Variants in CD1D observed in about 807,000 individuals in gnomAD.
The protein encoded by CD1D is CD1d molecule.
CD1D carries 40 observed loss-of-function variants against 42.1 expected under a neutral mutation model. The observed-to-expected ratio is 0.95, with a 90% CI of 0.74 to 1.24. The LOEUF (loss-of-function observed/expected upper bound fraction) is 1.24. Among genes scored for constraint, CD1D ranks in the 50% most tolerant of loss-of-function variants. CD1D has a pLI of 0.00. For synonymous variants in CD1D, 178 were observed against 171.8 expected (o/e 1.04, Z -0.28); for missense variants, 437 against 416.5 (o/e 1.05, Z -0.43).
rs764442092 is a variant in CD1D, at chr1:158,181,501, C to T, written c.108C>T (p.Phe36=). Reference sequence around the variant, plus strand: ...TCCGCTGCCTCCAGATCTCGTCCTTCGCCAATAGCAGCTGGACGCGCACCG... The same window carrying T: ...TCCGCTGCCTCCAGATCTCGTCCTTTGCCAATAGCAGCTGGACGCGCACCG... ...FPLRCLQISS[F]ANSSWTRTDG... The change falls in exon 2 of 6, where the codon TTC becomes TTT. Residue 36 remains phenylalanine, a synonymous_variant. Transcript: ENST00000674085. The T allele has an allele frequency of 3.7e-6, 6 of 1,614,064 alleles. No individual in the cohort carries two copies. In the Admixed American group the frequency reaches 6.7e-5, roughly 18 times the overall value.
intron 1 of CD1D, 129 bp from the exon 2 acceptor site, chr1:158,181,326 G>A: frequency 6.9e-7 from 1 of 1,447,274 alleles, no homozygotes; most frequent in Non-Finnish European, 9.5e-7. Flanking sequence ...GAGAGGCAGC[G>A]CGGCACAGAG....
Position 158,181,066 on chromosome 1 carries a change from G to C in CD1D, c.-36G>C. 6.6e-7 allele frequency: 1 copy of C among 1,522,332 alleles called. No individual in the cohort carries two copies. The highest frequency in any genetic ancestry group is 8.8e-7 in the Non-Finnish European group (1 of 1,134,214). The allele number at this position is 1,522,332 out of a possible 1,614,324, so 94.3% of individuals were successfully genotyped here. Reference sequence around the variant, plus strand: ...GAGTGCGCAGGTCAGAGGGCGGCGCGCAGCGGCGCTCCGCGAGGTCCCCAC... The same window carrying C: ...GAGTGCGCAGGTCAGAGGGCGGCGCCCAGCGGCGCTCCGCGAGGTCCCCAC... On this transcript the variant is annotated 5_prime_UTR_variant, in exon 1 of 6. Transcript: ENST00000674085.
chr1:158,179,794 C>T (rs949324167), upstream of CD1D, among the ~76,000 whole-genome samples: 4 of 152,118 alleles, frequency 2.6e-5, 1 homozygote, highest in Admixed American at 6.5e-5. Flanking sequence ...GTGCAGAGAC[C>T]TTAGTCAGGA....
Position 158,185,644 on chromosome 1 carries a change from G to T in CD1D, c.*1494G>T, listed in dbSNP as rs980119090. On this transcript the variant is annotated 3_prime_UTR_variant, in exon 6 of 6. Coordinates refer to ENST00000674085, the MANE Select transcript of CD1D (RefSeq NM_001371762.2). ...TTCCAGGTTAGTGTGAGCTGTGATTGTGTCACTACAGTGTAAGGATGACAG... is the reference window on the plus strand; with the variant it reads ...TTCCAGGTTAGTGTGAGCTGTGATTTTGTCACTACAGTGTAAGGATGACAG... 6.6e-6 allele frequency among the ~76,000 whole-genome samples: 1 copy of T among 152,128 alleles called. No homozygotes were observed. The highest frequency in any genetic ancestry group is 2.4e-5 in the African/African-American group (1 of 41,414).
At chr1:158,180,374 G>A (rs927012565), upstream of CD1D, among the ~76,000 whole-genome samples, 1 of 152,016 alleles carries the variant, frequency 6.6e-6, no homozygotes, top group African/African-American at 2.4e-5. Context: ...CTGGGGGCGC[G>A]TCCCCAAAAA....
chr1:158,179,027 CACAA>C (rs888134576), upstream of CD1D, among the ~76,000 whole-genome samples: 4 of 152,118 alleles, frequency 2.6e-5, no homozygotes, highest in African/African-American at 9.7e-5. Context: ...CACACACACA[CACAA>C]ACCAGCTTCT....
At position 158,183,995 on chromosome 1, in the gene CD1D, C is replaced by G. The variant is rs543208774; in HGVS notation, c.946C>G (p.Leu316Val). The G allele has an allele frequency of 6.2e-7, 1 of 1,614,196 alleles. No individual in the cohort carries two copies. The highest frequency in any genetic ancestry group is 8.5e-7 in the Non-Finnish European group (1 of 1,180,036). Residue 316 changes from leucine to valine, a missense_variant, in exon 5 of 6, where the codon CTC becomes GTC. Leu to Val is a conservative substitution (Grantham distance 32). Transcript: ENST00000674085. ...ALAVLACLLF[L>V]LIVGFTSRFK... ...GGCAGTCCTGGCGTGCTTGCTGTTC[C>G]TCCTCATTGTGGGCTTTACCTCCCG...
upstream of CD1D, among the ~76,000 whole-genome samples, chr1:158,179,013 A>C (rs1191129637): frequency 2.0e-5 from 3 of 146,970 alleles, no homozygotes; most frequent in African/African-American, 7.4e-5. Flanking sequence ...AAACAAAAAA[A>C]CCACACACAC....
At chr1:158,183,871 AG>A in intron 4 of CD1D, 64 bp from the exon 5 acceptor site, 1 of 1,252,412 alleles carries the variant, frequency 8.0e-7, no homozygotes, top group South Asian at 1.2e-5. Flanking sequence ...TGCCTAGACC[AG>A]GGGATTGGAT....
chr1:158,180,926 T>A lies in CD1D; in HGVS notation c.-176T>A. 1 of 523,716 alleles carries A rather than the reference T, an allele frequency of 1.9e-6. No homozygotes were observed. 32.4% of individuals were successfully genotyped at this position (523,716 alleles called of 1,614,324 possible). ...CGCACAGCTAAGGGCGAGGGCGCCC[T>A]TCGGCAGAAGCAGCAAACCGCCGGC... On this transcript the variant is annotated 5_prime_UTR_variant, in exon 1 of 6. Coordinates refer to ENST00000674085, the MANE Select transcript of CD1D (RefSeq NM_001371762.2).
At position 158,180,936 on chromosome 1, in the gene CD1D, G is replaced by C; in HGVS notation, c.-166G>C. The C allele has an allele frequency of 1.8e-6, 1 of 551,060 alleles. No homozygotes were observed. Among genetic ancestry groups the C allele is most frequent in the Non-Finnish European group, 3.0e-6 (1 of 335,282 alleles). The allele number at this position is 551,060 out of a possible 1,614,324, so 34.1% of individuals were successfully genotyped here. ...AGGGCGAGGGCGCCCTTCGGCAGAA[G>C]CAGCAAACCGCCGGCAAGCCCAGCG... On this transcript the variant is annotated 5_prime_UTR_variant, in exon 1 of 6. Transcript: ENST00000674085.
In CD1D at chr1:158,183,999, T is replaced by A. The variant is rs1336157900; in HGVS notation, c.950T>A (p.Leu317His). The change falls in exon 5 of 6, where the codon CTC becomes CAC. Residue 317 changes from leucine (L) to histidine (H), a missense_variant. Physicochemically the swap from Leu to His is moderately conservative, Grantham distance 99. Transcript: ENST00000674085. ...GTCCTGGCGTGCTTGCTGTTCCTCC[T>A]CATTGTGGGCTTTACCTCCCGGTTT... ...LAVLACLLFLLIVGFTSRFKR... is the reference protein window; with the variant it reads ...LAVLACLLFLHIVGFTSRFKR... 1 of 1,614,070 alleles carries A rather than the reference T, an allele frequency of 6.2e-7. No homozygotes were observed. Among genetic ancestry groups the A allele is most frequent in the East Asian group, 2.2e-5 (1 of 44,894 alleles).
Position 158,181,572 on chromosome 1 carries a change from AC to A in CD1D, c.180del (p.Asn60LysfsTer9). On this transcript the variant is annotated frameshift_variant, in exon 2 of 6. Coordinates refer to ENST00000674085, the MANE Select transcript of CD1D (RefSeq NM_001371762.2). LOFTEE classifies it high-confidence loss of function. Reference protein sequence around the residue: ...LGELQTHSWSNDSDTVRSLKP... With the variant: ...LGELQTHSWSXDSDTVRSLKP... ...GAGCTGCAGACGCACAGCTGGAGCA[AC>A]GACTCGGACACCGTCCGCTCTCTGA... 1 of 1,614,118 alleles carries A rather than the reference AC, an allele frequency of 6.2e-7. No homozygotes were observed. Among genetic ancestry groups the A allele is most frequent in the Non-Finnish European group, 8.5e-7 (1 of 1,180,030 alleles).
At position 158,183,098 on chromosome 1, in the gene CD1D, C is replaced by A. The variant is rs369282658; in HGVS notation, c.828C>A (p.Gly276=). ...TLDVVAGEAA[G]LSCRVKHSSL... ...ATGTGGTGGCTGGGGAGGCAGCTGG[C>A]CTGTCCTGTCGGGTGAAGCACAGCA... The change falls in exon 4 of 6, where the codon GGC becomes GGA. Residue 276 remains glycine (G), a synonymous_variant. Coordinates refer to ENST00000674085, the MANE Select transcript of CD1D (RefSeq NM_001371762.2). 117 of 1,613,956 alleles carry A rather than the reference C, an allele frequency of 7.2e-5. 1 individual carries two copies. The highest frequency in any genetic ancestry group is 9.5e-5 in the Non-Finnish European group (112 of 1,179,984).
At position 158,180,991 on chromosome 1, in the gene CD1D, A is replaced by C. The variant is rs1351860632; in HGVS notation, c.-111A>C. 2.0e-6 allele frequency: 2 copies of C among 997,744 alleles called. No homozygotes were observed. 61.8% of individuals were successfully genotyped at this position (997,744 alleles called of 1,614,324 possible). The stretch of plus-strand genomic sequence containing the variant: ...GGGCTGCCGGGGTCTGGGCTTGGGA[A>C]TTGGCTGGCACCCAGCGGAAAGGGA... On this transcript the variant is annotated 5_prime_UTR_variant, in exon 1 of 6. Transcript: ENST00000674085.
upstream of CD1D, among the ~76,000 whole-genome samples, chr1:158,178,809 A>T (rs859005): frequency 1.3e-5 from 2 of 152,140 alleles, no homozygotes; most frequent in East Asian, 3.9e-4. Context: ...TTGTTATAAA[A>T]TATTTTGTTT....
chr1:158,181,054 A>T lies in CD1D; in HGVS notation c.-48A>T. On this transcript the variant is annotated 5_prime_UTR_variant, in exon 1 of 6. Coordinates refer to ENST00000674085, the MANE Select transcript of CD1D (RefSeq NM_001371762.2). ...GGCGGGGGAGAAGAGTGCGCAGGTC[A>T]GAGGGCGGCGCGCAGCGGCGCTCCG... The T allele has an allele frequency of 1.3e-6, 2 of 1,501,328 alleles. No individual in the cohort carries two copies. The highest frequency in any genetic ancestry group is 1.8e-6 in the Non-Finnish European group (2 of 1,116,962). 93.0% of individuals were successfully genotyped at this position (1,501,328 alleles called of 1,614,324 possible). A position where few individuals can be genotyped will look rare whatever the true frequency, so the allele number is the denominator to read the frequency against.
At chr1:158,181,924 T>G in intron 2 of CD1D, 108 bp from the exon 3 acceptor site, 2 of 1,439,238 alleles carry the variant, frequency 1.4e-6, no homozygotes, top group Non-Finnish European at 1.9e-6. Context: ...CTTACTTTCC[T>G]TTCCCTGAAG....
chr1:158,182,380 C>A lies in CD1D; in HGVS notation c.607+70C>A, dbSNP rs778388490. 7 of 1,553,620 alleles carry A rather than the reference C, an allele frequency of 4.5e-6. No homozygotes were observed. The African/African-American group carries it at 8.1e-5, about 18-fold the overall frequency. Reference sequence around the variant, plus strand: ...AAACGGGCTTTTCCATTCCAGGGTTCTCATCCCTTTGAGCATTCAAAGAAG... The same window carrying A: ...AAACGGGCTTTTCCATTCCAGGGTTATCATCCCTTTGAGCATTCAAAGAAG... On this transcript the variant is annotated intron_variant, in intron 3 of 5. Coordinates refer to ENST00000674085, the MANE Select transcript of CD1D (RefSeq NM_001371762.2).
Sources: gnomAD v4.1 joint callset for allele counts (sites outside exome capture counted in the v4.1 genomes callset) on GRCh38, gnomAD v4.1.1 for gene constraint, MANE v1.5 for transcripts, NCBI Gene and HGNC (gene_info 2026-07-23, HGNC 2026-07-21) for gene names.